The following ANKIB1 variants were observed in gnomAD, a reference collection of about 807,000 sequenced individuals.
ANKIB1 encodes the protein ankyrin repeat and IBR domain-containing protein 1.
A neutral mutation model predicts 122.1 loss-of-function variants in ANKIB1; 43 were observed. That is an observed-to-expected ratio of 0.35 (90% CI 0.28 to 0.45). The LOEUF (loss-of-function observed/expected upper bound fraction) is 0.45. Among genes scored for constraint, ANKIB1 ranks in the 20% least tolerant of loss-of-function variants. The probability of loss-of-function intolerance (pLI) is 1.00; values close to 1 mark genes in which losing one functional copy is unlikely to be tolerated. For synonymous variants in ANKIB1, 390 were observed against 442.0 expected (o/e 0.88, Z 1.48); for missense variants, 992 against 1,329.5 (o/e 0.75, Z 3.95).
intron 8 of ANKIB1, 44 bp from the exon 9 acceptor site, chr7:92,352,432 A>G (rs922363163): frequency 2.5e-6 from 4 of 1,593,010 alleles, no homozygotes; most frequent in Non-Finnish European, 3.4e-6. Flanking sequence ...AGAATTTAGC[A>G]TTAAAATATT....
At chr7:92,274,972 G>A (rs1486515314) in intron 1 of ANKIB1, among the ~76,000 whole-genome samples, 5 of 152,096 alleles carry the variant, frequency 3.3e-5, no homozygotes, top group African/African-American at 1.2e-4. Flanking sequence ...CACATCCCAT[G>A]CCTCAAAGCT....
At chr7:92,272,728 A>G (rs1801822990) in intron 1 of ANKIB1, among the ~76,000 whole-genome samples, 1 of 152,230 alleles carries the variant, frequency 6.6e-6, no homozygotes, top group Admixed American at 6.5e-5. Flanking sequence ...TTTGGAAAAA[A>G]TAAGAATATG....
At chr7:92,277,966 C>T (rs1801938823) in intron 1 of ANKIB1, among the ~76,000 whole-genome samples, 2 of 151,920 alleles carry the variant, frequency 1.3e-5, no homozygotes. Context: ...TGTTTATAGT[C>T]CTAGCTACTC....
chr7:92,331,327 G>T (rs1803168410), intron 5 of ANKIB1, among the ~76,000 whole-genome samples: 1 of 149,594 alleles, frequency 6.7e-6, no homozygotes, highest in Non-Finnish European at 1.5e-5. Context: ...GAGTGCAGTA[G>T]CACAATCTTG....
intron 16 of ANKIB1, among the ~76,000 whole-genome samples, 192 bp from the exon 17 acceptor site, chr7:92,392,049 A>G (rs1434910769): frequency 6.6e-6 from 1 of 152,176 alleles, no homozygotes; most frequent in Non-Finnish European, 1.5e-5. Context: ...TGATCATTTT[A>G]CACAAACATA....
intron 10 of ANKIB1, among the ~76,000 whole-genome samples, chr7:92,366,828 A>G (rs192027548): frequency 1.8e-4 from 28 of 152,304 alleles, no homozygotes; most frequent in African/African-American, 6.3e-4. Flanking sequence ...TCCATCTCAC[A>G]TCTGGTATCA....
At chr7:92,249,088 A>G (rs1001653726) in intron 1 of ANKIB1, among the ~76,000 whole-genome samples, 1 of 152,042 alleles carries the variant, frequency 6.6e-6, no homozygotes, top group East Asian at 1.9e-4. Context: ...AGGTTTTGCC[A>G]CGTTGGCCAG....
At chr7:92,278,331 C>T (rs990433459) in intron 1 of ANKIB1, among the ~76,000 whole-genome samples, 7 of 152,076 alleles carry the variant, frequency 4.6e-5, no homozygotes, top group African/African-American at 1.7e-4. Flanking sequence ...TCTGCTGTCT[C>T]GTAGTCAGGG....
At chr7:92,317,419 A>G (rs1027371686) in intron 3 of ANKIB1, among the ~76,000 whole-genome samples, 1 of 152,170 alleles carries the variant, frequency 6.6e-6, no homozygotes, top group African/African-American at 2.4e-5. Flanking sequence ...TAGGTGGTAA[A>G]TAGCAGCTGC....
intron 11 of ANKIB1, among the ~76,000 whole-genome samples, chr7:92,376,391 A>C (rs139491136): frequency 3.3e-5 from 5 of 151,954 alleles, no homozygotes; most frequent in African/African-American, 1.2e-4. Flanking sequence ...CTTCTGGATA[A>C]TTTGCCACAG....
chr7:92,353,722 T>C (rs992039134), intron 9 of ANKIB1, among the ~76,000 whole-genome samples: 1 of 152,208 alleles, frequency 6.6e-6, no homozygotes, highest in Non-Finnish European at 1.5e-5. Flanking sequence ...CAGCAAACTA[T>C]TGTCTATACT....
intron 1 of ANKIB1, among the ~76,000 whole-genome samples, chr7:92,282,029 T>C (rs886479452): frequency 5.9e-5 from 9 of 152,236 alleles, no homozygotes; most frequent in Non-Finnish European, 8.8e-5. Context: ...TATTTGACTA[T>C]AGATTTCTAA....
chr7:92,362,354 T>G, intron 10 of ANKIB1, 81 bp downstream of exon 10: 1 of 1,326,098 alleles, frequency 7.5e-7, no homozygotes, highest in East Asian at 2.6e-5. Flanking sequence ...TTTTTAGTCT[T>G]TATTTAAGAG....
At chr7:92,267,300 G>C (rs1197808302) in intron 1 of ANKIB1, among the ~76,000 whole-genome samples, 1 of 152,066 alleles carries the variant, frequency 6.6e-6, no homozygotes, top group African/African-American at 2.4e-5. Context: ...TATTCACAAA[G>C]TGAACACAAC....
intron 17 of ANKIB1, chr7:92,395,960 G>A: frequency 4.8e-6 from 1 of 210,216 alleles, no homozygotes; most frequent in Non-Finnish European, 9.4e-6. Context: ...ACCAGCCTAA[G>A]CAACATAGCA....
intron 9 of ANKIB1, among the ~76,000 whole-genome samples, chr7:92,354,791 C>A (rs1286226883): frequency 6.6e-6 from 1 of 152,128 alleles, no homozygotes; most frequent in East Asian, 1.9e-4. Context: ...TTGCTCTTAT[C>A]TCTTATTTCA....
At chr7:92,267,111 T>C (rs1394677705) in intron 1 of ANKIB1, among the ~76,000 whole-genome samples, 1 of 152,208 alleles carries the variant, frequency 6.6e-6, no homozygotes, top group African/African-American at 2.4e-5. Context: ...GGAACAGGTA[T>C]GTAAACAACT....
intron 8 of ANKIB1, among the ~76,000 whole-genome samples, chr7:92,351,374 T>G (rs985364471): frequency 1.1e-4 from 16 of 152,180 alleles, no homozygotes; most frequent in African/African-American, 3.4e-4. Flanking sequence ...ATTTGCCCGT[T>G]GCACTTTAAT....
rs1804968442 is a variant in ANKIB1, at chr7:92,399,369, T to G, written c.*420T>G. On this transcript the variant is annotated 3_prime_UTR_variant, in exon 20 of 20. Transcript: ENST00000265742. ...AAAAAGTTTTCTTCATTCTAGAAAT[T>G]TATTTTGGATAAATCCGATAACATA... The G allele has an allele frequency of 2.0e-5, 3 of 152,798 alleles. No homozygotes were observed. Among genetic ancestry groups the G allele is most frequent in the Admixed American group, 6.5e-5 (1 of 15,294 alleles). 9.5% of individuals were successfully genotyped at this position (152,798 alleles called of 1,614,324 possible). A position where few individuals can be genotyped will look rare whatever the true frequency, so the allele number is the denominator to read the frequency against.
Sources: allele counts gnomAD v4.1 joint callset (sites outside exome capture counted in the v4.1 genomes callset), GRCh38; gene constraint gnomAD v4.1.1; transcripts MANE v1.5; gene names NCBI Gene and HGNC (gene_info 2026-07-23, HGNC 2026-07-21).